ICA1: variants seen among roughly 807,000 people sequenced by gnomAD.
ICA1 encodes islet cell autoantigen 1.
In ICA1, 40 loss-of-function variants were observed where a neutral mutation model predicts 71.0. That is an observed-to-expected ratio of 0.56 (90% CI 0.44 to 0.73). The LOEUF (loss-of-function observed/expected upper bound fraction) is 0.73. Ranked by LOEUF, ICA1 falls within the 30% of genes least tolerant of loss-of-function variation. ICA1 has a pLI of 0.00. For synonymous variants in ICA1, 207 were observed against 209.5 expected (o/e 0.99, Z 0.10); for missense variants, 578 against 576.5 (o/e 1.00, Z -0.03).
At chr7:8,164,230 G>C (rs1378765258) in intron 6 of ICA1, among the ~76,000 whole-genome samples, 2 of 147,490 alleles carry the variant, frequency 1.4e-5, no homozygotes, top group African/African-American at 5.0e-5. Flanking sequence ...CTAGAACTTG[G>C]GAGGCAGAGG....
intron 13 of ICA1, among the ~76,000 whole-genome samples, chr7:8,125,577 C>T (rs1788860818): frequency 6.6e-6 from 1 of 152,210 alleles, no homozygotes; most frequent in South Asian, 2.1e-4. Flanking sequence ...TCCCTAACAT[C>T]GATCACTTTC....
chr7:8,175,373 C>T (rs1780261288), intron 6 of ICA1, among the ~76,000 whole-genome samples: 1 of 152,168 alleles, frequency 6.6e-6, no homozygotes, highest in South Asian at 2.1e-4. Context: ...CCTAAACATT[C>T]ATTTTAAACT....
intron 6 of ICA1, among the ~76,000 whole-genome samples, chr7:8,199,980 G>A (rs1222402777): frequency 2.0e-5 from 3 of 152,064 alleles, no homozygotes; most frequent in South Asian, 2.1e-4. Flanking sequence ...AAATGAGTAA[G>A]ACCTAGTATG....
At chr7:8,227,756 T>A (rs960187218) in intron 4 of ICA1, 7 of 410,554 alleles carry the variant, frequency 1.7e-5, no homozygotes, top group Non-Finnish European at 3.4e-5. Context: ...TTTAAGTGTT[T>A]TTATTTTTTG....
chr7:8,124,560 T>C (rs1335275627), intron 13 of ICA1, among the ~76,000 whole-genome samples: 1 of 152,126 alleles, frequency 6.6e-6, no homozygotes, highest in Non-Finnish European at 1.5e-5. Flanking sequence ...TGATCAGTCA[T>C]GGAAGCATAA....
intron 6 of ICA1, among the ~76,000 whole-genome samples, chr7:8,159,311 A>G (rs1164156651): frequency 2.0e-5 from 3 of 152,230 alleles, no homozygotes; most frequent in Non-Finnish European, 2.9e-5. Context: ...CCATACAGGA[A>G]TTTGGGGATG....
chr7:8,156,929 TAAAA>T, intron 8 of ICA1, 183 bp downstream of exon 8: 11 of 1,519,688 alleles, frequency 7.2e-6, no homozygotes, highest in Admixed American at 2.2e-5. Context: ...CCTGATGCAG[TAAAA>T]AAAAAAAAAA....
In ICA1 at chr7:8,232,666, G is replaced by T. The variant is rs757268313; in HGVS notation, c.107C>A (p.Ala36Asp). Residue 36 changes from alanine to aspartate, a missense_variant, in exon 3 of 14, where the codon GCC becomes GAC. Physicochemically the swap from Ala to Asp is moderately radical, Grantham distance 126 (BLOSUM62 -2). Coordinates refer to ENST00000402384, the MANE Select transcript of ICA1 (RefSeq NM_001136020.3). The stretch of plus-strand genomic sequence containing the variant: ...CTTCTTCCCTGTGGCTTTAATAAAG[G>T]CCTGCTTCGTCTCCCAATATTTCTG... ...MQQKYWETKQ[A>D]FIKATGKKED... is the part of the protein sequence containing the mutation. 6.2e-7 allele frequency: 1 copy of T among 1,613,480 alleles called. No homozygotes were observed. The highest frequency in any genetic ancestry group is 1.7e-5 in the Admixed American group (1 of 59,944).
intron 1 of ICA1, among the ~76,000 whole-genome samples, chr7:8,250,161 G>C (rs1034298443): frequency 6.6e-6 from 1 of 152,176 alleles, no homozygotes; most frequent in African/African-American, 2.4e-5. Context: ...TTTGGGCAAA[G>C]TATGTTTTCA....
intron 12 of ICA1, among the ~76,000 whole-genome samples, 156 bp from the exon 13 acceptor site, chr7:8,128,298 T>A (rs543269901): frequency 3.9e-5 from 6 of 152,326 alleles, no homozygotes; most frequent in African/African-American, 1.4e-4. Context: ...TAGCCTCTCT[T>A]AAGAGTTTAT....
intron 3 of ICA1, among the ~76,000 whole-genome samples, chr7:8,231,442 G>A (rs879943368): frequency 6.6e-6 from 1 of 152,092 alleles, no homozygotes; most frequent in Non-Finnish European, 1.5e-5. Flanking sequence ...CATTAGTCAT[G>A]TTTATAAATA....
intron 1 of ICA1, among the ~76,000 whole-genome samples, chr7:8,256,341 C>T (rs183433120): frequency 6.6e-6 from 1 of 152,206 alleles, no homozygotes; most frequent in East Asian, 1.9e-4. Flanking sequence ...AAACACAGGC[C>T]CCTTTACATC....
chr7:8,168,225 T>C (rs528958918), intron 6 of ICA1, among the ~76,000 whole-genome samples: 1 of 152,246 alleles, frequency 6.6e-6, no homozygotes, highest in African/African-American at 2.4e-5. Context: ...TGCTTAGCAA[T>C]TCATATGAAA....
At chr7:8,240,282 G>A (rs1317242029) in intron 1 of ICA1, among the ~76,000 whole-genome samples, 1 of 151,778 alleles carries the variant, frequency 6.6e-6, no homozygotes, top group Non-Finnish European at 1.5e-5. Flanking sequence ...ACAGAGTCTG[G>A]AGTGGACCTC....
At chr7:8,114,109 T>G in intron 13 of ICA1, 65 bp from the exon 14 acceptor site, 2 of 1,556,032 alleles carry the variant, frequency 1.3e-6, no homozygotes, top group Non-Finnish European at 1.8e-6. Context: ...CCATGCGGGA[T>G]GCAGGCAGGT....
chr7:8,179,768 A>C (rs1021079924), intron 6 of ICA1, among the ~76,000 whole-genome samples: 14 of 151,276 alleles, frequency 9.3e-5, no homozygotes, highest in Admixed American at 7.9e-4. Flanking sequence ...TTTTTTTCCC[A>C]CATTTTTACA....
rs1338236037 is a variant in ICA1, at chr7:8,251,090, C to T, written c.-80+11004G>A. ...TAATTTTTTTATTTTTAGTAAAATG[C>T]CTCCCAATGCTAGTCTCAAACTCCT... On this transcript the variant is annotated intron_variant, in intron 1 of 13. Coordinates refer to ENST00000402384, the MANE Select transcript of ICA1 (RefSeq NM_001136020.3). Among the ~76,000 whole-genome samples the T allele has an allele frequency of 3.3e-5, 5 of 151,924 alleles. No homozygotes were observed. The East Asian group carries it at 5.8e-4, about 18-fold the overall frequency.
At chr7:8,188,636 C>T (rs1273635254) in intron 6 of ICA1, among the ~76,000 whole-genome samples, 1 of 152,134 alleles carries the variant, frequency 6.6e-6, no homozygotes, top group Non-Finnish European at 1.5e-5. Context: ...TATAGGACAG[C>T]AAGAGGTAGC....
chr7:8,140,982 G>A (rs1225130065), intron 10 of ICA1, among the ~76,000 whole-genome samples: 1 of 152,182 alleles, frequency 6.6e-6, no homozygotes, highest in Non-Finnish European at 1.5e-5. Context: ...TCCCCAGGGG[G>A]ACCAGGTAAA....
Sources: allele counts gnomAD v4.1 joint callset (sites outside exome capture counted in the v4.1 genomes callset), GRCh38; gene constraint gnomAD v4.1.1; transcripts MANE v1.5; gene names NCBI Gene and HGNC (gene_info 2026-07-23, HGNC 2026-07-21).